Variants in LRRC7 observed in about 807,000 individuals in gnomAD.
The protein encoded by LRRC7 is leucine rich repeat containing 7, also known as leucine-rich repeat-containing protein 7.
In LRRC7, 23 loss-of-function variants were observed where a neutral mutation model predicts 175.7. The ratio of observed to expected loss-of-function variants is 0.13; its 90% CI spans 0.09 to 0.19. LRRC7 has a LOEUF of 0.19. Among genes scored for constraint, LRRC7 ranks in the 10% least tolerant of loss-of-function variants. The pLI is 1.00. For missense variants in LRRC7, 1,354 were observed against 1,904.7 expected, an observed-to-expected ratio of 0.71 and a Z score of 5.38; for synonymous variants, 685 against 680.9, an observed-to-expected ratio of 1.01 and a Z score of -0.09.
rs12567778 is a variant in LRRC7, at chr1:70,038,254, G to C, written c.2430G>C (p.Ser810=). ...DTFTDNWTDG[S]HYDNTGFVAE... ...TCACTGACAACTGGACTGATGGCTC[G>C]CATTATGACAACACAGGGTTTGTTG... The change falls in exon 21 of 27, where the codon TCG becomes TCC. Residue 810 remains serine (S), a synonymous_variant. Coordinates refer to ENST00000651989, the MANE Select transcript of LRRC7 (RefSeq NM_001370785.2). 2 of 1,614,052 alleles carry C rather than the reference G, an allele frequency of 1.2e-6. No individual in the cohort carries two copies. Among genetic ancestry groups the C allele is most frequent in the Admixed American group, 1.7e-5 (1 of 60,006 alleles).
At chr1:70,043,788 AAC>A (rs1660112390) in intron 21 of LRRC7, among the ~76,000 whole-genome samples, 164 bp from the exon 22 acceptor site, 1 of 152,202 alleles carries the variant, frequency 6.6e-6, no homozygotes, top group Admixed American at 6.5e-5. Flanking sequence ...GTGCATAACT[AAC>A]ACTGTTTACT....
chr1:69,939,152 G>C (rs575292451), intron 8 of LRRC7, among the ~76,000 whole-genome samples: 17 of 151,338 alleles, frequency 1.1e-4, no homozygotes, highest in Admixed American at 3.3e-4. Context: ...GTATCAATGA[G>C]AGTCCAGTCA....
chr1:70,110,704 C>T (rs1293587433), intron 26 of LRRC7, among the ~76,000 whole-genome samples: 1 of 152,004 alleles, frequency 6.6e-6, no homozygotes, highest in Non-Finnish European at 1.5e-5. Context: ...AAAATCAAAG[C>T]CCATTTTCAA....
chr1:69,568,683 G>C (rs750812812), intron 1 of LRRC7, 42 bp downstream of exon 1: 9 of 1,208,822 alleles, frequency 7.4e-6, no homozygotes, highest in South Asian at 3.8e-5. Flanking sequence ...GGTGCTGCGG[G>C]GGCCCGGCCG....
chr1:70,047,639 T>G (rs565124881), intron 22 of LRRC7, among the ~76,000 whole-genome samples: 1 of 152,132 alleles, frequency 6.6e-6, no homozygotes, highest in Non-Finnish European at 1.5e-5. Flanking sequence ...GATTTTGCAA[T>G]GTATTTTAAA....
intron 9 of LRRC7, among the ~76,000 whole-genome samples, chr1:69,983,807 A>G (rs1653670365): frequency 6.6e-6 from 1 of 152,134 alleles, no homozygotes; most frequent in Non-Finnish European, 1.5e-5. Flanking sequence ...AACACTCTCA[A>G]AAACTTCTTT....
At chr1:69,716,003 G>C (rs1411629636) in intron 2 of LRRC7, 20 of 364,472 alleles carry the variant, frequency 5.5e-5, no homozygotes, top group Middle Eastern at 7.4e-4. Context: ...ATTCTTATAG[G>C]ATATGTAACC....
In LRRC7 at chr1:69,867,744, G is replaced by T. The variant is rs17131063; in HGVS notation, c.647+29461G>T. On this transcript the variant is annotated intron_variant, in intron 7 of 26. Coordinates refer to ENST00000651989, the MANE Select transcript of LRRC7 (RefSeq NM_001370785.2). The stretch of plus-strand genomic sequence containing the variant: ...AATTGAGAAAGGTTGTAGGAAAAGA[G>T]AAATCAAGGATAACACACTGGTTGT... 3.9e-3 allele frequency among the ~76,000 whole-genome samples: 600 copies of T among 152,268 alleles called. 3 individuals carry two copies. Among genetic ancestry groups the T allele is most frequent in the African/African-American group, 0.014 (566 of 41,548 alleles).
At chr1:69,885,959 T>A (rs1472814347) in intron 7 of LRRC7, among the ~76,000 whole-genome samples, 1 of 123,040 alleles carries the variant, frequency 8.1e-6, no homozygotes, top group Non-Finnish European at 1.8e-5. Flanking sequence ...AGTTCTAGTT[T>A]GATTGCACTG....
chr1:70,116,907 C>G (rs1214378400), intron 26 of LRRC7, among the ~76,000 whole-genome samples: 1 of 152,156 alleles, frequency 6.6e-6, no homozygotes, highest in Non-Finnish European at 1.5e-5. Flanking sequence ...GATTCCTGCT[C>G]TTTCTCATAA....
intron 13 of LRRC7, among the ~76,000 whole-genome samples, chr1:70,013,673 A>G (rs1450322271): frequency 6.6e-6 from 1 of 151,966 alleles, no homozygotes; most frequent in Non-Finnish European, 1.5e-5. Flanking sequence ...ACCTCAATTC[A>G]TCTTTGTTTC....
chr1:69,722,363 T>C (rs1385389743), intron 2 of LRRC7, among the ~76,000 whole-genome samples: 1 of 152,058 alleles, frequency 6.6e-6, no homozygotes, highest in Admixed American at 6.6e-5. Flanking sequence ...TAAATGAGCA[T>C]ATGCAAGACT....
chr1:69,808,184 A>G (rs949857701), intron 4 of LRRC7, among the ~76,000 whole-genome samples: 2 of 151,730 alleles, frequency 1.3e-5, no homozygotes, highest in African/African-American at 4.8e-5. Context: ...TAGTTATTCT[A>G]GTTAGCAATG....
chr1:69,887,510 T>C (rs1019237228), intron 7 of LRRC7, among the ~76,000 whole-genome samples: 16 of 150,132 alleles, frequency 1.1e-4, no homozygotes, highest in Admixed American at 4.6e-4. Flanking sequence ...ATTCTAGTTA[T>C]ACATTCGTCT....
At chr1:70,100,846 C>T (rs1174695222) in intron 25 of LRRC7, among the ~76,000 whole-genome samples, 2 of 152,078 alleles carry the variant, frequency 1.3e-5, no homozygotes, top group South Asian at 4.1e-4. Flanking sequence ...GGATAAATCA[C>T]TTCTCTTGAT....
chr1:69,725,735 T>C (rs1796955), intron 2 of LRRC7, among the ~76,000 whole-genome samples: 4,450 of 152,240 alleles, frequency 0.029, 222 homozygotes, highest in African/African-American at 0.1. Context: ...ACCGTGTTTG[T>C]CTCTCAAGGC....
intron 22 of LRRC7, among the ~76,000 whole-genome samples, chr1:70,046,843 C>T (rs1660369341): frequency 6.6e-6 from 1 of 152,120 alleles, no homozygotes; most frequent in South Asian, 2.1e-4. Flanking sequence ...TTCTGCCACA[C>T]TCTAGAGTCA....
At chr1:69,946,907 A>G (rs1199433011) in intron 8 of LRRC7, among the ~76,000 whole-genome samples, 4 of 151,830 alleles carry the variant, frequency 2.6e-5, no homozygotes, top group African/African-American at 9.7e-5. Flanking sequence ...GTGAAACCCC[A>G]TTTCTACTAA....
chr1:69,617,576 G>C (rs560815260), intron 1 of LRRC7, among the ~76,000 whole-genome samples: 8 of 68,146 alleles, frequency 1.2e-4, no homozygotes, highest in Non-Finnish European at 2.1e-4. Flanking sequence ...AAAAAAATCA[G>C]AACTACTCTG....
Sources: allele counts gnomAD v4.1 joint callset (sites outside exome capture counted in the v4.1 genomes callset), GRCh38; gene constraint gnomAD v4.1.1; transcripts MANE v1.5; gene names NCBI Gene and HGNC (gene_info 2026-07-23, HGNC 2026-07-21).